GPR158: variants seen among roughly 807,000 people sequenced by gnomAD.
GPR158 encodes metabotropic glycine receptor.
In GPR158, 30 loss-of-function variants were observed where a neutral mutation model predicts 78.2. The ratio of observed to expected loss-of-function variants is 0.38; its 90% CI spans 0.29 to 0.52. The LOEUF is 0.52. Among genes scored for constraint, GPR158 ranks in the 20% least tolerant of loss-of-function variants. The pLI, the probability that GPR158 is intolerant of heterozygous loss-of-function variation, is 0.83. For synonymous variants in GPR158, 581 were observed against 591.1 expected (o/e 0.98, Z 0.25); for missense variants, 1,463 against 1,523.5 (o/e 0.96, Z 0.66).
At chr10:25,351,702 TTTTC>T (rs1344791525) in intron 2 of GPR158, among the ~76,000 whole-genome samples, 1 of 135,232 alleles carries the variant, frequency 7.4e-6, no homozygotes, top group East Asian at 2.0e-4. Flanking sequence ...GCAATAGTGT[TTTTC>T]TTTCTTTTTT....
At chr10:25,241,311 T>TTTCTC (rs760852108) in intron 2 of GPR158, among the ~76,000 whole-genome samples, 9,595 of 103,978 alleles carry the variant, frequency 0.092, 1,041 homozygotes, top group East Asian at 0.36. Flanking sequence ...TTTCTTTTCT[T>TTTCTC]TTCTCTTCTC....
chr10:25,558,462 A>G (rs2130718997), intron 6 of GPR158, among the ~76,000 whole-genome samples: 1 of 152,280 alleles, frequency 6.6e-6, no homozygotes, highest in Middle Eastern at 3.4e-3. Context: ...GGGGAGGGGC[A>G]GGTTTCTTTA....
chr10:25,353,685 T>G (rs1288095599), intron 2 of GPR158, among the ~76,000 whole-genome samples: 1 of 152,128 alleles, frequency 6.6e-6, no homozygotes, highest in Non-Finnish European at 1.5e-5. Flanking sequence ...CAGTGTTCAC[T>G]TTTTAGGTTT....
intron 2 of GPR158, among the ~76,000 whole-genome samples, chr10:25,376,244 T>C (rs1004807664): frequency 6.6e-6 from 1 of 151,662 alleles, no homozygotes. Flanking sequence ...TAGTTGATTT[T>C]CATAAGTCTC....
At chr10:25,505,251 C>G (rs1189787454) in intron 5 of GPR158, among the ~76,000 whole-genome samples, 1 of 152,168 alleles carries the variant, frequency 6.6e-6, no homozygotes, top group Non-Finnish European at 1.5e-5. Context: ...TCTCATGTCC[C>G]TTCTGGATTC....
chr10:25,398,070 T>A (rs991429738), intron 3 of GPR158, among the ~76,000 whole-genome samples: 4 of 152,080 alleles, frequency 2.6e-5, no homozygotes, highest in Non-Finnish European at 4.4e-5. Flanking sequence ...TGCAGGGAAG[T>A]AAATTCTTCC....
intron 2 of GPR158, among the ~76,000 whole-genome samples, chr10:25,227,814 C>T (rs562497951): frequency 2.0e-5 from 3 of 152,062 alleles, no homozygotes; most frequent in Non-Finnish European, 2.9e-5. Context: ...ACTAAAATAT[C>T]GTATATTAAT....
At chr10:25,561,667 A>G (rs1216966037) in intron 6 of GPR158, among the ~76,000 whole-genome samples, 1 of 147,380 alleles carries the variant, frequency 6.8e-6, no homozygotes, top group Non-Finnish European at 1.5e-5. Flanking sequence ...TATTATTACA[A>G]CTGAAAAGGC....
At chr10:25,359,330 A>G (rs1485797243) in intron 2 of GPR158, among the ~76,000 whole-genome samples, 1 of 152,078 alleles carries the variant, frequency 6.6e-6, no homozygotes, top group Non-Finnish European at 1.5e-5. Context: ...ACATAGGTAT[A>G]CACATGCCAT....
At chr10:25,383,638 ATT>A (rs1284990856) in intron 2 of GPR158, among the ~76,000 whole-genome samples, 1 of 152,180 alleles carries the variant, frequency 6.6e-6, no homozygotes, top group Admixed American at 6.5e-5. Flanking sequence ...ACTTAATTGC[ATT>A]TCTTAAAGTA....
At chr10:25,222,963 A>G (rs1853321256) in intron 2 of GPR158, among the ~76,000 whole-genome samples, 1 of 152,184 alleles carries the variant, frequency 6.6e-6, no homozygotes, top group Non-Finnish European at 1.5e-5. Context: ...CTAGATGGTC[A>G]TACTGAAAGA....
chr10:25,598,502 A>T lies in GPR158; in HGVS notation c.2876A>T (p.Gln959Leu). Residue 959 changes from glutamine (Q) to leucine (L), a missense_variant, in exon 11 of 11, where the codon CAA (glutamine) becomes CTA (leucine). Physicochemically the swap from Gln to Leu is moderately radical, Grantham distance 113. Transcript: ENST00000376351. ...ACAGAGACTAAAGATCCTGCCCCCC[A>T]AAACTCAAATCCTGCGGAGGAGCCA... is the stretch of plus-strand genomic sequence containing the variant. ...DNTETKDPAP[Q>L]NSNPAEEPRK... 1.2e-6 allele frequency: 2 copies of T among 1,613,926 alleles called. No individual in the cohort carries two copies. The highest frequency in any genetic ancestry group is 8.5e-7 in the Non-Finnish European group (1 of 1,180,010).
intron 3 of GPR158, among the ~76,000 whole-genome samples, chr10:25,409,729 T>C (rs140717182): frequency 1.3e-5 from 2 of 152,218 alleles, no homozygotes; most frequent in South Asian, 2.1e-4. Flanking sequence ...AGTTTTCTCA[T>C]ATAATTCCTC....
At chr10:25,390,165 G>T (rs889485808) in intron 2 of GPR158, among the ~76,000 whole-genome samples, 3 of 152,126 alleles carry the variant, frequency 2.0e-5, no homozygotes, top group Non-Finnish European at 4.4e-5. Context: ...TAAGTCTTGG[G>T]TATATCCTTA....
Position 25,447,090 on chromosome 10 carries a change from C to A in GPR158, c.1336-19561C>A, listed in dbSNP as rs1041467804. Among the ~76,000 whole-genome samples the A allele has an allele frequency of 2.0e-5, 3 of 152,200 alleles. No individual in the cohort carries two copies. In the East Asian group the frequency reaches 5.8e-4, roughly 29 times the overall value. ...TAAAATATATTGGCAATAATTCACT[C>A]ATATCAATTGAATTGAAGAATTCAC... On this transcript the variant is annotated intron_variant, in intron 4 of 10. Coordinates refer to ENST00000376351, the MANE Select transcript of GPR158 (RefSeq NM_020752.3).
intron 5 of GPR158, among the ~76,000 whole-genome samples, chr10:25,522,393 CT>C (rs756574802): frequency 1.2e-4 from 18 of 152,154 alleles, no homozygotes; most frequent in Admixed American, 2.0e-4. Flanking sequence ...TGTAGGCTTA[CT>C]TTTTTATAAA....
intron 4 of GPR158, among the ~76,000 whole-genome samples, chr10:25,434,009 A>G (rs1564454855): frequency 2.6e-5 from 4 of 152,096 alleles, no homozygotes. Context: ...AATAAAAAAA[A>G]TTAGCCGTGC....
At chr10:25,314,657 T>A (rs1389216554) in intron 2 of GPR158, among the ~76,000 whole-genome samples, 2 of 151,418 alleles carry the variant, frequency 1.3e-5, no homozygotes, top group African/African-American at 4.8e-5. Context: ...GTTTTTTTTT[T>A]AGCTTTTGAT....
At chr10:25,273,751 C>T (rs1389216238) in intron 2 of GPR158, among the ~76,000 whole-genome samples, 2 of 151,796 alleles carry the variant, frequency 1.3e-5, no homozygotes, top group Admixed American at 6.6e-5. Flanking sequence ...GTGATCTCTG[C>T]TCACTGAAGC....
Sources: gnomAD v4.1 joint callset for allele counts (sites outside exome capture counted in the v4.1 genomes callset) on GRCh38, gnomAD v4.1.1 for gene constraint, MANE v1.5 for transcripts, NCBI Gene and HGNC (gene_info 2026-07-23, HGNC 2026-07-21) for gene names.